The following TRMT11 variants were observed in gnomAD, a reference collection of about 807,000 sequenced individuals.
The protein encoded by TRMT11 is tRNA (guanine(10)-N(2))-methyltransferase TRMT11.
In TRMT11, 53 loss-of-function variants were observed where a neutral mutation model predicts 62.8. The observed-to-expected ratio is 0.84, with a 90% CI of 0.68 to 1.06. The LOEUF (loss-of-function observed/expected upper bound fraction) is 1.06, where lower values mean the gene tolerates loss of function less well. TRMT11 is among the 50% of genes least tolerant of loss of function. The pLI is 0.00. For missense variants in TRMT11, 556 were observed against 553.4 expected (o/e 1.00, Z -0.05); for synonymous variants, 188 against 190.3 (o/e 0.99, Z 0.10).
the TRMT11 span, among the ~76,000 whole-genome samples, chr6:126,228,326 C>T: frequency 2.0e-5 from 3 of 152,138 alleles, no homozygotes; most frequent in Admixed American, 2.0e-4. Context: ...TGAAGCAAGT[C>T]GCTCTGCTTT....
intron 21 of TRMT11, among the ~76,000 whole-genome samples, chr6:126,142,697 G>C (rs1489438282): frequency 6.6e-6 from 1 of 152,078 alleles, no homozygotes; most frequent in Non-Finnish European, 1.5e-5. Flanking sequence ...TAAAGCACTA[G>C]TAAGCTGTCT....
At chr6:126,237,265 ACT>A in the TRMT11 span, among the ~76,000 whole-genome samples, 2 of 151,916 alleles carry the variant, frequency 1.3e-5, no homozygotes, top group Non-Finnish European at 2.9e-5. Context: ...AGGGAAAAAG[ACT>A]CTCTCTCTAG....
chr6:126,078,063 C>T (rs1320047168), intron 17 of TRMT11, among the ~76,000 whole-genome samples: 3 of 152,164 alleles, frequency 2.0e-5, no homozygotes, highest in East Asian at 3.9e-4. Context: ...ATTCTACTTA[C>T]TGTGGCTTCA....
chr6:126,025,690 A>G (rs1772928528), intron 12 of TRMT11, among the ~76,000 whole-genome samples: 1 of 152,236 alleles, frequency 6.6e-6, no homozygotes. Context: ...ATTGTCAAAC[A>G]GTCCTCACAC....
At chr6:126,081,452 C>T (rs1429471890) in intron 17 of TRMT11, among the ~76,000 whole-genome samples, 1 of 152,070 alleles carries the variant, frequency 6.6e-6, no homozygotes, top group Non-Finnish European at 1.5e-5. Context: ...TATTGACTGG[C>T]TCTAATAAGC....
At chr6:126,094,578 C>T (rs912618800) in intron 17 of TRMT11, among the ~76,000 whole-genome samples, 1 of 152,204 alleles carries the variant, frequency 6.6e-6, no homozygotes, top group Admixed American at 6.5e-5. Flanking sequence ...CACATTTCCA[C>T]ATTTCCTTTA....
the TRMT11 span, among the ~76,000 whole-genome samples, chr6:126,234,392 TA>T: frequency 8.5e-5 from 13 of 152,136 alleles, no homozygotes; most frequent in Admixed American, 8.5e-4. Flanking sequence ...ATTTAAAGTT[TA>T]AAATAAATAA....
chr6:126,119,091 A>G (rs1320773441), intron 21 of TRMT11, among the ~76,000 whole-genome samples: 1 of 152,060 alleles, frequency 6.6e-6, no homozygotes, highest in Non-Finnish European at 1.5e-5. Flanking sequence ...CACTTCCCAT[A>G]TTTAGTCCTG....
intron 17 of TRMT11, among the ~76,000 whole-genome samples, chr6:126,073,591 A>G (rs1009337680): frequency 2.2e-4 from 33 of 152,182 alleles, no homozygotes; most frequent in African/African-American, 7.7e-4. Context: ...CTAGTAATCA[A>G]ACAATTCATG....
chr6:126,150,338 A>G (rs1194435979), intron 21 of TRMT11, among the ~76,000 whole-genome samples: 2 of 152,182 alleles, frequency 1.3e-5, no homozygotes, highest in African/African-American at 4.8e-5. Context: ...GAACTAGAAG[A>G]AACAAATGTC....
At chr6:126,178,793 G>A (rs1000722621) in intron 1 of TRMT11, among the ~76,000 whole-genome samples, 3 of 152,034 alleles carry the variant, frequency 2.0e-5, no homozygotes, top group African/African-American at 7.3e-5. Flanking sequence ...AGCTTTCTGG[G>A]ATCTAGTCAG....
At chr6:126,046,977 T>G (rs1177536005) in intron 16 of TRMT11, among the ~76,000 whole-genome samples, 4 of 152,156 alleles carry the variant, frequency 2.6e-5, no homozygotes, top group African/African-American at 9.7e-5. Context: ...TAGAATATCC[T>G]GTAACTGATT....
At chr6:126,104,236 A>T (rs1447462536) in intron 17 of TRMT11, among the ~76,000 whole-genome samples, 1 of 152,188 alleles carries the variant, frequency 6.6e-6, no homozygotes, top group Non-Finnish European at 1.5e-5. Flanking sequence ...GTCGCCGTTC[A>T]AAGTGATGTA....
intron 12 of TRMT11, among the ~76,000 whole-genome samples, chr6:126,028,784 G>A (rs1272980150): frequency 6.6e-6 from 1 of 152,104 alleles, no homozygotes; most frequent in Non-Finnish European, 1.5e-5. Context: ...CTCCAGGAAA[G>A]CAGGCATTTA....
the TRMT11 span, among the ~76,000 whole-genome samples, chr6:126,267,068 A>G: frequency 6.6e-6 from 1 of 152,172 alleles, no homozygotes; most frequent in Non-Finnish European, 1.5e-5. Context: ...CTGTTTCCAC[A>G]TGGGTCTGCC....
rs1794347250 is a variant in TRMT11, at chr6:126,012,378, C to G, written c.926-393C>G. 2.0e-5 allele frequency among the ~76,000 whole-genome samples: 3 copies of G among 152,014 alleles called. No individual in the cohort carries two copies. The South Asian group carries it at 6.2e-4, about 31-fold the overall frequency. On this transcript the variant is annotated intron_variant, in intron 9 of 12. Coordinates refer to ENST00000334379, the MANE Select transcript of TRMT11 (RefSeq NM_001031712.3). ...AGTCTCTTAGCAAAAATACAGTTAT[C>G]AAGTTCAGTAAATTGATAAAATACT... is the stretch of plus-strand genomic sequence containing the variant.
chr6:126,155,863 C>T (rs531765627), intron 21 of TRMT11, among the ~76,000 whole-genome samples: 26 of 152,084 alleles, frequency 1.7e-4, no homozygotes, highest in Admixed American at 3.9e-4. Context: ...TGGGACTACA[C>T]GTGCCCGCCA....
At chr6:126,239,244 G>T in the TRMT11 span, among the ~76,000 whole-genome samples, 16 of 152,280 alleles carry the variant, frequency 1.1e-4, no homozygotes, top group East Asian at 2.7e-3. Context: ...ATTTGATCCT[G>T]TCATTACGAT....
At chr6:126,151,867 C>CTTTCTTTAGTTTCCTTTCTTTCTTTCT (rs1562334850) in intron 21 of TRMT11, among the ~76,000 whole-genome samples, 1 of 18,414 alleles carries the variant, frequency 5.4e-5, no homozygotes, top group African/African-American at 2.5e-4. Flanking sequence ...TCTTTCTTTC[C>CTTTCTTTAGTTTCCTTTCTTTCTTTCT]TTCTTTCTCC....
Sources: gnomAD v4.1 joint callset for allele counts (sites outside exome capture counted in the v4.1 genomes callset) on GRCh38, gnomAD v4.1.1 for gene constraint, MANE v1.5 for transcripts, NCBI Gene and HGNC (gene_info 2026-07-23, HGNC 2026-07-21) for gene names.